The following INPP4B variants were observed in gnomAD, a reference collection of about 807,000 sequenced individuals.
INPP4B encodes the protein inositol polyphosphate 4-phosphatase type II.
INPP4B carries 55 observed loss-of-function variants against 122.5 expected under a neutral mutation model. The observed-to-expected ratio is 0.45, with a 90% confidence interval of 0.36 to 0.56. INPP4B has a LOEUF of 0.56. INPP4B is among the 20% of genes least tolerant of loss of function. INPP4B has a pLI of 0.00. For synonymous variants in INPP4B, 403 were observed against 388.7 expected (o/e 1.04, Z -0.43); for missense variants, 1,000 against 1,097.7 (o/e 0.91, Z 1.26).
chr4:142,155,041 T>C (rs1031529756), intron 17 of INPP4B, among the ~76,000 whole-genome samples: 3 of 151,632 alleles, frequency 2.0e-5, no homozygotes, highest in Admixed American at 6.6e-5. Flanking sequence ...TTAATATATA[T>C]ACACACATAT....
intron 2 of INPP4B, among the ~76,000 whole-genome samples, chr4:142,537,708 T>C (rs1433973626): frequency 2.7e-5 from 4 of 149,484 alleles, no homozygotes; most frequent in African/African-American, 9.8e-5. Context: ...TTTGCTTATA[T>C]ATGTGTGTCT....
In INPP4B at chr4:142,178,495, A is replaced by G. The variant is rs548331576; in HGVS notation, c.1182-4686T>C. Among the ~76,000 whole-genome samples the G allele has an allele frequency of 1.9e-4, 29 of 152,302 alleles. No individual in the cohort carries two copies. In the South Asian group the frequency reaches 6.0e-3, roughly 32 times the overall value. ...TATTTTCCTTAACTCCTTGACCACAAGTGCACATTGTGGGACTTACTCTGT... is the reference window on the plus strand; with the variant it reads ...TATTTTCCTTAACTCCTTGACCACAGGTGCACATTGTGGGACTTACTCTGT... On this transcript the variant is annotated intron_variant, in intron 15 of 25. Transcript: ENST00000262992.
intron 25 of INPP4B, among the ~76,000 whole-genome samples, chr4:142,075,532 C>A (rs1770168945): frequency 6.6e-6 from 1 of 152,040 alleles, no homozygotes; most frequent in African/African-American, 2.4e-5. Context: ...CTTTTAGAAA[C>A]CAAATGTTAA....
chr4:142,785,217 G>A (rs1775586448), intron 1 of INPP4B, among the ~76,000 whole-genome samples: 1 of 152,008 alleles, frequency 6.6e-6, no homozygotes, highest in South Asian at 2.1e-4. Flanking sequence ...TAAGTTCCTT[G>A]TCAGAAAAAC....
chr4:142,086,474 G>A (rs1017227146), intron 23 of INPP4B, among the ~76,000 whole-genome samples: 1 of 152,064 alleles, frequency 6.6e-6, no homozygotes, highest in Non-Finnish European at 1.5e-5. Flanking sequence ...CCACCTCAGT[G>A]CCCAAAGTGG....
intron 5 of INPP4B, among the ~76,000 whole-genome samples, chr4:142,415,511 T>G (rs1805518482): frequency 6.6e-6 from 1 of 152,006 alleles, no homozygotes; most frequent in South Asian, 2.1e-4. Flanking sequence ...CAACAGGTGC[T>G]GGAGAGGATG....
chr4:142,378,915 C>A (rs1433478065), intron 7 of INPP4B, among the ~76,000 whole-genome samples: 1 of 152,126 alleles, frequency 6.6e-6, no homozygotes, highest in African/African-American at 2.4e-5. Flanking sequence ...AACTTAAATT[C>A]AAAAATGAAA....
chr4:142,301,097 C>T (rs1761218897), intron 9 of INPP4B, among the ~76,000 whole-genome samples: 1 of 152,242 alleles, frequency 6.6e-6, no homozygotes, highest in South Asian at 2.1e-4. Context: ...AAACAGATTA[C>T]AACTTTCACC....
chr4:142,554,121 G>A (rs576138340), intron 2 of INPP4B, among the ~76,000 whole-genome samples: 1 of 151,060 alleles, frequency 6.6e-6, no homozygotes, highest in East Asian at 1.9e-4. Context: ...TCCTGAAGGA[G>A]GAGGTTGCAG....
At chr4:142,173,588 T>A (rs758394086) in intron 16 of INPP4B, 44 bp downstream of exon 16, 1 of 1,534,612 alleles carries the variant, frequency 6.5e-7, no homozygotes, top group Non-Finnish European at 8.9e-7. Context: ...AATGGGAATT[T>A]GAGTATTTCA....
intron 2 of INPP4B, among the ~76,000 whole-genome samples, chr4:142,635,535 A>G (rs1246961669): frequency 6.6e-6 from 1 of 152,194 alleles, no homozygotes; most frequent in Non-Finnish European, 1.5e-5. Flanking sequence ...CCATAAAAAG[A>G]ACAAGATCGT....
intron 16 of INPP4B, among the ~76,000 whole-genome samples, chr4:142,169,985 T>C (rs1235988133): frequency 1.3e-5 from 2 of 151,740 alleles, no homozygotes; most frequent in Non-Finnish European, 3.0e-5. Context: ...GTGAACACTG[T>C]CCACATTCAG....
intron 16 of INPP4B, among the ~76,000 whole-genome samples, chr4:142,162,634 A>G (rs1265820277): frequency 1.3e-5 from 2 of 151,922 alleles, no homozygotes; most frequent in African/African-American, 4.8e-5. Flanking sequence ...TTCACACTCA[A>G]TGAAATCTTC....
chr4:142,291,763 GT>G (rs1057139960), intron 9 of INPP4B, among the ~76,000 whole-genome samples: 1 of 151,914 alleles, frequency 6.6e-6, no homozygotes, highest in Non-Finnish European at 1.5e-5. Context: ...GACCTATAAG[GT>G]ATAAAAAAAG....
At chr4:142,259,219 G>A (rs1319833885) in intron 11 of INPP4B, among the ~76,000 whole-genome samples, 1 of 110,802 alleles carries the variant, frequency 9.0e-6, no homozygotes, top group Non-Finnish European at 1.8e-5. Flanking sequence ...TGGGGGGAGG[G>A]GGGAGGGATA....
intron 12 of INPP4B, among the ~76,000 whole-genome samples, chr4:142,217,769 C>A (rs763829000): frequency 4.6e-5 from 7 of 152,110 alleles, no homozygotes; most frequent in Non-Finnish European, 1.0e-4. Flanking sequence ...AGGCCCACTG[C>A]CCTCTCTAAT....
intron 25 of INPP4B, among the ~76,000 whole-genome samples, chr4:142,037,488 C>A (rs974214897): frequency 2.0e-5 from 3 of 152,130 alleles, no homozygotes; most frequent in African/African-American, 7.2e-5. Context: ...ATATCTTATT[C>A]CTTTGACTAT....
At chr4:142,370,719 A>C (rs1789582382) in intron 7 of INPP4B, among the ~76,000 whole-genome samples, 1 of 152,082 alleles carries the variant, frequency 6.6e-6, no homozygotes, top group African/African-American at 2.4e-5. Flanking sequence ...CCTAGGAATA[A>C]ATTTAACCAA....
At chr4:142,510,902 C>A (rs962580642) in intron 2 of INPP4B, among the ~76,000 whole-genome samples, 2 of 152,010 alleles carry the variant, frequency 1.3e-5, no homozygotes, top group Non-Finnish European at 2.9e-5. Context: ...CTAAAATAAA[C>A]CTAAAGATCA....
Sources: gnomAD v4.1 joint callset for allele counts (sites outside exome capture counted in the v4.1 genomes callset) on GRCh38, gnomAD v4.1.1 for gene constraint, MANE v1.5 for transcripts, NCBI Gene and HGNC (gene_info 2026-07-23, HGNC 2026-07-21) for gene names.